The following BOD1L1 variants were observed in gnomAD, a reference collection of about 807,000 sequenced individuals.
The protein encoded by BOD1L1 is biorientation of chromosomes in cell division 1 like 1, also known as biorientation of chromosomes in cell division protein 1-like 1.
In BOD1L1, 86 loss-of-function variants were observed where a neutral mutation model predicts 240.7. The ratio of observed to expected loss-of-function variants is 0.36; its 90% CI spans 0.30 to 0.43. The LOEUF is 0.43. BOD1L1 is among the 20% of genes least tolerant of loss of function. The probability of loss-of-function intolerance (pLI) is 1.00; values close to 1 mark genes in which losing one functional copy is unlikely to be tolerated. For synonymous variants in BOD1L1, 1,268 were observed against 1,272.3 expected (o/e 1.00, Z 0.07); for missense variants, 3,554 against 3,643.5 (o/e 0.98, Z 0.63).
chr4:13,614,586 A>G lies in BOD1L1; in HGVS notation c.784T>C (p.Ser262Pro). 6.2e-7 allele frequency: 1 copy of G among 1,613,638 alleles called. No individual in the cohort carries two copies. The highest frequency in any genetic ancestry group is 1.3e-5 in the African/African-American group (1 of 74,930). ...TSEDMADKEK[S>P]TADSGGEGLE... ...CCTTCACCTCCAGAGTCAGCTGTAG[A>G]TTTTTCTTTATCAGCCATGTCCTCT... The change falls in exon 4 of 26, where the codon TCT becomes CCT. Residue 262 changes from serine to proline, a missense_variant. Physicochemically the swap from Ser to Pro is moderately conservative, Grantham distance 74. Around this residue, in one of 2 missense-constraint regions of BOD1L1, gnomAD observed 3,393 missense variants for 3,427.1 expected, o/e 0.99. Transcript: ENST00000040738.
Position 13,615,384 on chromosome 4 carries a change from T to C in BOD1L1, c.487A>G (p.Asn163Asp), listed in dbSNP as rs368145822. 3 of 1,613,736 alleles carry C rather than the reference T, an allele frequency of 1.9e-6. No homozygotes were observed. Among genetic ancestry groups the C allele is most frequent in the Non-Finnish European group, 2.5e-6 (3 of 1,179,790 alleles). Residue 163 changes from asparagine (N) to aspartate (D), a missense_variant, in exon 3 of 26, where the codon AAT becomes GAT. Transcript: ENST00000040738. The part of the protein sequence containing the change: ...KAVHEFLATL[N>D]HKEEGSGNTA... ...TTGCCACTTCCTTCCTCTTTGTGATTTAGCGTGGCCAAAAACTCATGCACA... is the reference window on the plus strand; with the variant it reads ...TTGCCACTTCCTTCCTCTTTGTGATCTAGCGTGGCCAAAAACTCATGCACA...
At chr4:13,596,067 A>G in intron 11 of BOD1L1, 123 bp from the exon 12 acceptor site, 1 of 763,190 alleles carries the variant, frequency 1.3e-6, no homozygotes, top group Non-Finnish European at 2.1e-6. Context: ...TATTTTCAAG[A>G]GTACACAAAA....
At chr4:13,587,217 T>C (rs938365252) in intron 16 of BOD1L1, among the ~76,000 whole-genome samples, 1 of 152,220 alleles carries the variant, frequency 6.6e-6, no homozygotes. Flanking sequence ...AAGTGCTCAA[T>C]AGTGACATGT....
chr4:13,592,206 C>T (rs544484601), intron 12 of BOD1L1: 7 of 459,472 alleles, frequency 1.5e-5, no homozygotes, highest in East Asian at 1.5e-4. Context: ...TTTATAATAA[C>T]GGCAGTGGTA....
chr4:13,586,895 GACA>G (rs948101462), intron 16 of BOD1L1, among the ~76,000 whole-genome samples: 1 of 152,182 alleles, frequency 6.6e-6, no homozygotes, highest in African/African-American at 2.4e-5. Flanking sequence ...TCTATAAGAT[GACA>G]ACACCACCTA....
At chr4:13,594,525 CT>C (rs1714458547) in intron 12 of BOD1L1, among the ~76,000 whole-genome samples, 1 of 152,174 alleles carries the variant, frequency 6.6e-6, no homozygotes, top group African/African-American at 2.4e-5. Flanking sequence ...GTCTTACAGA[CT>C]CATGAGTGCT....
At position 13,608,669 on chromosome 4, in the gene BOD1L1, C is replaced by A; in HGVS notation, c.1604-1G>T. The A allele has an allele frequency of 6.9e-7, 1 of 1,444,934 alleles. No homozygotes were observed. Among genetic ancestry groups the A allele is most frequent in the South Asian group, 1.6e-5 (1 of 62,618 alleles). The allele number at this position is 1,444,934 out of a possible 1,614,324, so 89.5% of individuals were successfully genotyped here. On this transcript the variant is annotated splice_acceptor_variant, in intron 7 of 25. Transcript: ENST00000040738. LOFTEE classifies it high-confidence loss of function. ...TCTTCTAAGTCCACACTACTCCTGC[C>A]TAGAAAAGAAGCAATCAATAAAACG...
At chr4:13,617,783 C>T (rs962535285) in intron 2 of BOD1L1, among the ~76,000 whole-genome samples, 4 of 152,114 alleles carry the variant, frequency 2.6e-5, no homozygotes, top group Non-Finnish European at 5.9e-5. Context: ...CTAATGGAGT[C>T]AAGTGAGTAT....
intron 15 of BOD1L1, among the ~76,000 whole-genome samples, chr4:13,588,185 C>CAA (rs201474701): frequency 7.6e-4 from 58 of 76,468 alleles, no homozygotes; most frequent in Non-Finnish European, 9.6e-4. Context: ...GAGACTGTTT[C>CAA]AAAAAAAAAA....
At chr4:13,625,013 C>G in intron 1 of BOD1L1, 1 of 152,198 alleles carries the variant, frequency 6.6e-6, no homozygotes, top group East Asian at 1.9e-4. Flanking sequence ...CCTGGCCATA[C>G]TGTTGCTTTT....
intron 3 of BOD1L1, 109 bp from the exon 4 acceptor site, chr4:13,614,919 G>A (rs1215924425): frequency 1.7e-6 from 2 of 1,166,074 alleles, no homozygotes; most frequent in Non-Finnish European, 1.2e-6. Flanking sequence ...ATGCTGTGCA[G>A]ACCATCTGTA....
chr4:13,596,363 G>A (rs889755065), intron 11 of BOD1L1, among the ~76,000 whole-genome samples: 2 of 151,832 alleles, frequency 1.3e-5, no homozygotes, highest in Admixed American at 1.3e-4. Context: ...TTTCTTTTCT[G>A]GGAAATTTCC....
chr4:13,620,889 C>G (rs144893716), intron 1 of BOD1L1, among the ~76,000 whole-genome samples: 1 of 152,296 alleles, frequency 6.6e-6, no homozygotes, highest in African/African-American at 2.4e-5. Flanking sequence ...CAATGGTTCT[C>G]TACCAAGAAG....
intron 23 of BOD1L1, 27 bp from the exon 24 acceptor site, chr4:13,577,514 A>T (rs770100791): frequency 2.7e-5 from 44 of 1,609,236 alleles, no homozygotes; most frequent in Non-Finnish European, 3.7e-5. Flanking sequence ...TAAAGTCAAA[A>T]GGGTGGTCAG....
rs972454291 is a variant in BOD1L1 at position 13,615,955 on chromosome 4, C to G, written c.369-453G>C. ...AGCTTTTTATAAGCATTAGAGTCCCCAGAAAAAAAACAACACATACAAAAT... is the reference window on the plus strand; with the variant it reads ...AGCTTTTTATAAGCATTAGAGTCCCGAGAAAAAAAACAACACATACAAAAT... On this transcript the variant is annotated intron_variant, in intron 2 of 25. Coordinates refer to ENST00000040738, the MANE Select transcript of BOD1L1 (RefSeq NM_148894.3). Among the ~76,000 whole-genome samples, 3 of 151,692 alleles carry G rather than the reference C, an allele frequency of 2.0e-5. No homozygotes were observed. The East Asian group carries it at 5.8e-4, about 29-fold the overall frequency.
intron 8 of BOD1L1, among the ~76,000 whole-genome samples, chr4:13,608,050 A>G (rs973953): frequency 0.56 from 84,738 of 152,072 alleles, 27,171 homozygotes; most frequent in East Asian, 0.96. Context: ...TAATTCTTAA[A>G]AAGTTAACGA....
Position 13,604,316 on chromosome 4 carries a change from T to C in BOD1L1, c.2584A>G (p.Ile862Val), listed in dbSNP as rs1282887324. The C allele has an allele frequency of 4.4e-6, 7 of 1,594,862 alleles. No homozygotes were observed. The highest frequency in any genetic ancestry group is 1.2e-5 in the South Asian group (1 of 85,998). ...CTTTCACTTCTTCTCTGTAATGTGA[T>C]ACCATGTTGCTTGGAACCCAGAGAA... ...KDSLGSKQHGITLQRRSESYS... is the reference protein window; with the variant it reads ...KDSLGSKQHGVTLQRRSESYS... The change falls in exon 10 of 26, where the codon ATC (isoleucine) becomes GTC (valine). Residue 862 changes from isoleucine to valine, a missense_variant. By Grantham distance (29) the Ile-to-Val change is conservative (BLOSUM62 3). Transcript: ENST00000040738.
intron 25 of BOD1L1, chr4:13,572,711 G>A (rs1433752690): frequency 7.8e-7 from 1 of 1,289,750 alleles, no homozygotes; most frequent in South Asian, 1.2e-5. Context: ...CCTTCCTAAT[G>A]GGGGAGAGTT....
At chr4:13,626,067 G>C (rs185339121) in intron 1 of BOD1L1, 1 of 152,114 alleles carries the variant, frequency 6.6e-6, no homozygotes, top group Non-Finnish European at 1.5e-5. Flanking sequence ...GAAAACCCTC[G>C]ACCGGGCGCG....
Sources: allele counts gnomAD v4.1 joint callset (sites outside exome capture counted in the v4.1 genomes callset), GRCh38; gene constraint gnomAD v4.1.1; regional missense constraint gnomAD v4.1.1; transcripts MANE v1.5; gene names NCBI Gene and HGNC (gene_info 2026-07-23, HGNC 2026-07-21).